The following PXDN variants were observed in gnomAD, a reference collection of about 807,000 sequenced individuals.
PXDN encodes peroxidasin, also known as peroxidasin homolog.
PXDN carries 77 observed loss-of-function variants against 140.3 expected under a neutral mutation model. The observed-to-expected ratio is 0.55, with a 90% CI of 0.46 to 0.66. The LOEUF (loss-of-function observed/expected upper bound fraction) is 0.66. Among genes scored for constraint, PXDN ranks in the 30% least tolerant of loss-of-function variants. The pLI is 0.00. For synonymous variants in PXDN, 911 were observed against 857.4 expected, an observed-to-expected ratio of 1.06 and a Z score of -1.09; for missense variants, 1,838 against 2,039.5, an observed-to-expected ratio of 0.90 and a Z score of 1.90.
In PXDN at chr2:1,648,861, G is replaced by A. The variant is rs780425357; in HGVS notation, c.2919C>T (p.Ala973=). The A allele has an allele frequency of 1.0e-5, 16 of 1,600,776 alleles. No homozygotes were observed. Among genetic ancestry groups the A allele is most frequent in the Admixed American group, 1.7e-5 (1 of 59,286 alleles). ...GCTGCTCGTTGGCGCGGTGGTCCCC[G>A]GCCAGGAAGCAGGGGATGGGGCTCT... The part of the protein sequence containing the change: ...ENESPIPCFL[A]GDHRANEQLG... Residue 973 remains alanine (A), a synonymous_variant, in exon 17 of 23, where the codon GCC becomes GCT. Transcript: ENST00000252804. The surrounding 1 kb of genome is among the most constrained non-coding windows in gnomAD (Gnocchi z 8.9).
intron 21 of PXDN, among the ~76,000 whole-genome samples, chr2:1,638,605 G>A (rs575508878): frequency 6.6e-6 from 1 of 152,126 alleles, no homozygotes; most frequent in Non-Finnish European, 1.5e-5. Context: ...TCACACGGCC[G>A]TGACACAGAT....
At chr2:1,711,420 C>T (rs866531173) in intron 1 of PXDN, among the ~76,000 whole-genome samples, 1 of 133,734 alleles carries the variant, frequency 7.5e-6, no homozygotes, top group Admixed American at 7.2e-5. Context: ...TCCACCAGCA[C>T]CCACTCTCCA....
rs1247169180 is a variant in PXDN at position 1,660,331 on chromosome 2, G to A, written c.1837+550C>T. On this transcript the variant is annotated intron_variant, in intron 14 of 22. Coordinates refer to ENST00000252804, the MANE Select transcript of PXDN (RefSeq NM_012293.3). The surrounding 1 kb of genome is among the most constrained non-coding windows in gnomAD (Gnocchi z 4.6). ...GGTGAGTGGGATGGAAGTGGTGGCG[G>A]ACCAGGATGCAAACAGACAGATGCA... is the stretch of plus-strand genomic sequence containing the variant. 2.0e-5 allele frequency among the ~76,000 whole-genome samples: 3 copies of A among 152,128 alleles called. No homozygotes were observed. The highest frequency in any genetic ancestry group is 6.5e-5 in the Admixed American group (1 of 15,274).
At chr2:1,653,586 T>TA (rs1683062061) in intron 16 of PXDN, 42 bp downstream of exon 16, 1 of 1,605,454 alleles carries the variant, frequency 6.2e-7, no homozygotes, top group South Asian at 1.1e-5. Context: ...TCAACCCCGT[T>TA]ACTCAGGCCA....
intron 2 of PXDN, chr2:1,692,528 C>T: frequency 2.1e-6 from 1 of 471,818 alleles, no homozygotes; most frequent in Non-Finnish European, 4.4e-6. Context: ...CCTGCTCTTA[C>T]ACCGTTGTGC....
chr2:1,644,802 T>TA (rs1368182802), intron 17 of PXDN, 50 bp from the exon 18 acceptor site: 4 of 1,360,126 alleles, frequency 2.9e-6, no homozygotes, highest in Admixed American at 3.1e-5. Flanking sequence ...CTGCACGTGG[T>TA]AAAAAATACA....
intron 1 of PXDN, among the ~76,000 whole-genome samples, chr2:1,740,508 G>A (rs1685518783): frequency 6.6e-6 from 1 of 152,108 alleles, no homozygotes; most frequent in Non-Finnish European, 1.5e-5. Context: ...CTGCAGGCGG[G>A]AGGAGACCCA....
intron 1 of PXDN, among the ~76,000 whole-genome samples, chr2:1,700,066 A>T (rs1684386864): frequency 6.6e-6 from 1 of 151,686 alleles, no homozygotes; most frequent in Admixed American, 6.6e-5. Context: ...TTGTATTTTT[A>T]TTTATTTTTT....
At chr2:1,743,192 G>T (rs889528609) in intron 1 of PXDN, among the ~76,000 whole-genome samples, 5 of 152,224 alleles carry the variant, frequency 3.3e-5, no homozygotes, top group African/African-American at 7.2e-5. Flanking sequence ...GAGGGATGGG[G>T]ATTCCTGCTG....
chr2:1,728,386 G>C (rs1226822338), intron 1 of PXDN, among the ~76,000 whole-genome samples: 1 of 152,266 alleles, frequency 6.6e-6, no homozygotes. Flanking sequence ...ACCAGCCGGA[G>C]AATACAGTCC....
rs1682440173 is a variant in PXDN at position 1,632,650 on chromosome 2, A to G, written c.*1554T>C. ...AGGGTCTGGGTGTCTCCTTGGGAGG[A>G]TGTGCACCTGGAACACGGGTTGTGC... is the stretch of plus-strand genomic sequence containing the variant. On this transcript the variant is annotated 3_prime_UTR_variant, in exon 23 of 23. Transcript: ENST00000252804. This position sits in a 1 kb window ranked among gnomAD's most constrained non-coding sequence, Gnocchi z 4.3. The G allele has an allele frequency of 6.6e-6, 1 of 152,110 alleles. No homozygotes were observed. The highest frequency in any genetic ancestry group is 2.1e-4 in the South Asian group (1 of 4,816). 9.4% of individuals were successfully genotyped at this position (152,110 alleles called of 1,614,324 possible). A position where few individuals can be genotyped will look rare whatever the true frequency, so the allele number is the denominator to read the frequency against.
intron 1 of PXDN, among the ~76,000 whole-genome samples, chr2:1,697,007 T>G (rs1202876317): frequency 6.6e-6 from 1 of 152,202 alleles, no homozygotes; most frequent in Non-Finnish European, 1.5e-5. Context: ...ACTTGCGAGA[T>G]TCTAGAGAGC....
chr2:1,699,604 G>A (rs1356130942), intron 1 of PXDN, among the ~76,000 whole-genome samples: 1 of 152,110 alleles, frequency 6.6e-6, no homozygotes, highest in African/African-American at 2.4e-5. Flanking sequence ...CAGCTACTCG[G>A]GAGGTTGAGG....
At chr2:1,670,075 C>A (rs1472807606) in intron 9 of PXDN, among the ~76,000 whole-genome samples, 2 of 152,154 alleles carry the variant, frequency 1.3e-5, no homozygotes, top group Non-Finnish European at 2.9e-5. Flanking sequence ...GATTACAGGG[C>A]TCTGCTGACA....
chr2:1,659,972 G>A (rs559324089), intron 14 of PXDN, among the ~76,000 whole-genome samples: 12 of 152,290 alleles, frequency 7.9e-5, no homozygotes, highest in Admixed American at 5.2e-4. Context: ...GTGGAGGCCC[G>A]GGGGAAGGCC....
intron 17 of PXDN, among the ~76,000 whole-genome samples, chr2:1,646,798 A>G (rs1197101012): frequency 6.6e-6 from 1 of 152,260 alleles, no homozygotes; most frequent in Admixed American, 6.5e-5. Context: ...TTGAATGGGA[A>G]TAACATCTCC....
Position 1,648,157 on chromosome 2 carries a change from G to A in PXDN, c.3608+15C>T. On this transcript the variant is annotated intron_variant, in intron 17 of 22. Coordinates refer to ENST00000252804, the MANE Select transcript of PXDN (RefSeq NM_012293.3). The surrounding 1 kb of genome is among the most constrained non-coding windows in gnomAD (Gnocchi z 8.9). Reference sequence around the variant, plus strand: ...CTAGGTACACGAGCCATCCCACACAGCCTCTTCAGCTCACCTTTTCAGTTT... The same window carrying A: ...CTAGGTACACGAGCCATCCCACACAACCTCTTCAGCTCACCTTTTCAGTTT... 1 of 1,606,622 alleles carries A rather than the reference G, an allele frequency of 6.2e-7. No individual in the cohort carries two copies.
At chr2:1,652,714 G>A (rs1018159351) in intron 16 of PXDN, among the ~76,000 whole-genome samples, 2 of 152,106 alleles carry the variant, frequency 1.3e-5, no homozygotes, top group African/African-American at 4.8e-5. Context: ...AAACCTAACA[G>A]GACGGGGCTG....
In PXDN at chr2:1,738,437, A is replaced by G. The variant is rs544798091; in HGVS notation, c.200+5819T>C. Among the ~76,000 whole-genome samples the G allele has an allele frequency of 6.6e-5, 10 of 152,276 alleles. 1 individual carries two copies. In the South Asian group the frequency reaches 1.9e-3, roughly 28 times the overall value. Reference sequence around the variant, plus strand: ...GGCAGGACTGCATGCATTTGCATCTATTTTAGCTTCTTACTGTCAAGCGCA... The same window carrying G: ...GGCAGGACTGCATGCATTTGCATCTGTTTTAGCTTCTTACTGTCAAGCGCA... On this transcript the variant is annotated intron_variant, in intron 1 of 22. Transcript: ENST00000252804.
Sources: allele counts gnomAD v4.1 joint callset (sites outside exome capture counted in the v4.1 genomes callset), GRCh38; gene constraint gnomAD v4.1.1; non-coding constraint Gnocchi (gnomAD v3.1); transcripts MANE v1.5; gene names NCBI Gene and HGNC (gene_info 2026-07-23, HGNC 2026-07-21).